Variants in NKAIN2 observed in about 807,000 individuals in gnomAD.
NKAIN2 encodes the protein sodium/potassium transporting ATPase interacting 2.
A neutral mutation model predicts 32.6 loss-of-function variants in NKAIN2; 14 were observed. The observed-to-expected ratio is 0.43, with a 90% CI of 0.28 to 0.67. The LOEUF (loss-of-function observed/expected upper bound fraction) is 0.67, where lower values mean the gene tolerates loss of function less well. Among genes scored for constraint, NKAIN2 ranks in the 30% least tolerant of loss-of-function variants. The probability of loss-of-function intolerance (pLI) is 0.17; values close to 1 mark genes in which losing one functional copy is unlikely to be tolerated. For missense variants in NKAIN2, 198 were observed against 258.3 expected (o/e 0.77, Z 1.60); for synonymous variants, 80 against 87.2 (o/e 0.92, Z 0.46).
chr6:124,113,078 T>C (rs960517565), intron 1 of NKAIN2, among the ~76,000 whole-genome samples: 1 of 152,082 alleles, frequency 6.6e-6, no homozygotes, highest in African/African-American at 2.4e-5. Flanking sequence ...GATTCTTCAT[T>C]TTTCTTGACT....
At chr6:124,128,989 G>C (rs116221744) in intron 1 of NKAIN2, among the ~76,000 whole-genome samples, 2 of 152,104 alleles carry the variant, frequency 1.3e-5, no homozygotes, top group Non-Finnish European at 2.9e-5. Flanking sequence ...TCAGGGTGAG[G>C]CCTGAGAATT....
At chr6:123,837,812 CTG>C (rs2114927896) in intron 1 of NKAIN2, among the ~76,000 whole-genome samples, 1 of 152,188 alleles carries the variant, frequency 6.6e-6, no homozygotes, top group East Asian at 1.9e-4. Context: ...TTCTGTTTTA[CTG>C]TGGAACATTC....
chr6:124,759,659 CCT>C (rs199933000), intron 4 of NKAIN2, among the ~76,000 whole-genome samples: 25 of 107,628 alleles, frequency 2.3e-4, no homozygotes, highest in East Asian at 1.4e-3. Context: ...ACACACACCC[CCT>C]ATCTCCCTTT....
intron 3 of NKAIN2, among the ~76,000 whole-genome samples, chr6:124,439,666 A>G (rs1475225473): frequency 6.6e-6 from 1 of 151,724 alleles, no homozygotes; most frequent in Non-Finnish European, 1.5e-5. Context: ...TGGATGTAAA[A>G]TAAGTCATTA....
At chr6:124,297,311 T>G (rs1306883807) in intron 2 of NKAIN2, among the ~76,000 whole-genome samples, 2 of 152,210 alleles carry the variant, frequency 1.3e-5, no homozygotes, top group African/African-American at 4.8e-5. Context: ...ATATGTGTTA[T>G]ATACTGTATT....
intron 4 of NKAIN2, among the ~76,000 whole-genome samples, chr6:124,697,800 C>T (rs987257450): frequency 3.3e-5 from 5 of 152,086 alleles, no homozygotes; most frequent in Non-Finnish European, 5.9e-5. Context: ...AATATATTCT[C>T]TAAGAAGAAT....
chr6:124,817,371 T>A (rs192272760), intron 5 of NKAIN2, among the ~76,000 whole-genome samples: 1 of 152,288 alleles, frequency 6.6e-6, no homozygotes, highest in East Asian at 1.9e-4. Flanking sequence ...AAAGGTATTT[T>A]ATTTCCCACA....
At chr6:124,056,238 G>GTT (rs575460242) in intron 1 of NKAIN2, among the ~76,000 whole-genome samples, 74 of 144,290 alleles carry the variant, frequency 5.1e-4, no homozygotes, top group African/African-American at 1.5e-3. Context: ...ATTGAGAGAG[G>GTT]TTTTTTTTTT....
At chr6:124,026,748 C>G (rs1237772232) in intron 1 of NKAIN2, among the ~76,000 whole-genome samples, 1 of 152,136 alleles carries the variant, frequency 6.6e-6, no homozygotes, top group Non-Finnish European at 1.5e-5. Flanking sequence ...TCTCTATGGT[C>G]CCATTCTCAT....
chr6:124,353,409 A>C (rs566275321), intron 2 of NKAIN2, among the ~76,000 whole-genome samples: 2 of 152,280 alleles, frequency 1.3e-5, no homozygotes, highest in Admixed American at 1.3e-4. Flanking sequence ...AAAAAAAATG[A>C]TAGGTGGTAA....
chr6:124,289,048 T>A (rs1280495641), intron 2 of NKAIN2, among the ~76,000 whole-genome samples: 2 of 152,186 alleles, frequency 1.3e-5, no homozygotes, highest in Non-Finnish European at 2.9e-5. Flanking sequence ...AAATGATGGT[T>A]AGAAAGAGAA....
chr6:123,851,111 T>C (rs1775324207), intron 1 of NKAIN2, among the ~76,000 whole-genome samples: 1 of 152,118 alleles, frequency 6.6e-6, no homozygotes, highest in Admixed American at 6.5e-5. Flanking sequence ...GACACTTAGG[T>C]TGATTCCATA....
At chr6:124,140,425 T>A (rs1408322198) in intron 1 of NKAIN2, among the ~76,000 whole-genome samples, 1 of 152,202 alleles carries the variant, frequency 6.6e-6, no homozygotes, top group Non-Finnish European at 1.5e-5. Flanking sequence ...GTAAAAACAT[T>A]AGAAAGACAT....
chr6:124,292,611 C>T (rs1172829097), intron 2 of NKAIN2, among the ~76,000 whole-genome samples: 1 of 151,310 alleles, frequency 6.6e-6, no homozygotes, highest in African/African-American at 2.4e-5. Context: ...CTCATTTTAC[C>T]CAGCTCCTGT....
intron 1 of NKAIN2, among the ~76,000 whole-genome samples, chr6:123,923,989 C>G (rs989922376): frequency 1.3e-4 from 20 of 151,380 alleles, no homozygotes; most frequent in Non-Finnish European, 2.5e-4. Flanking sequence ...AGGATTTTGG[C>G]AAAGCAGGTA....
intron 1 of NKAIN2, among the ~76,000 whole-genome samples, chr6:123,992,715 C>A (rs1414473703): frequency 6.6e-6 from 1 of 152,186 alleles, no homozygotes; most frequent in Non-Finnish European, 1.5e-5. Flanking sequence ...CAAACTGGAA[C>A]TGGAGAAACC....
At chr6:124,616,433 C>CT (rs1562285900) in intron 3 of NKAIN2, among the ~76,000 whole-genome samples, 2 of 68,064 alleles carry the variant, frequency 2.9e-5, no homozygotes, top group African/African-American at 1.5e-4. Flanking sequence ...TTTTTCTTTT[C>CT]TTTCTTTTTT....
intron 1 of NKAIN2, among the ~76,000 whole-genome samples, chr6:124,095,188 T>C (rs955299789): frequency 1.3e-5 from 2 of 152,128 alleles, no homozygotes; most frequent in Non-Finnish European, 2.9e-5. Flanking sequence ...AGAGAGTAAA[T>C]GAAACTTCTT....
At chr6:124,378,492 A>C (rs1166241723) in intron 3 of NKAIN2, among the ~76,000 whole-genome samples, 1 of 152,154 alleles carries the variant, frequency 6.6e-6, no homozygotes, top group Non-Finnish European at 1.5e-5. Context: ...AGTCTTTGCT[A>C]TACTGGCACA....
Sources: allele counts gnomAD v4.1 joint callset (sites outside exome capture counted in the v4.1 genomes callset), GRCh38; gene constraint gnomAD v4.1.1; transcripts MANE v1.5; gene names NCBI Gene and HGNC (gene_info 2026-07-23, HGNC 2026-07-21).